The following B3GALT1 variants were observed in gnomAD, a reference collection of about 807,000 sequenced individuals.
B3GALT1 encodes the protein beta-1,3-galactosyltransferase 1.
In B3GALT1, 10 loss-of-function variants were observed where a neutral mutation model predicts 23.2. The observed-to-expected ratio is 0.43, with a 90% CI of 0.27 to 0.73. B3GALT1 has a LOEUF of 0.73. Ranked by LOEUF, B3GALT1 falls within the 30% of genes least tolerant of loss-of-function variation. B3GALT1 has a pLI of 0.21. For missense variants in B3GALT1, 299 were observed against 405.4 expected, an observed-to-expected ratio of 0.74 and a Z score of 2.25; for synonymous variants, 156 against 141.5, an observed-to-expected ratio of 1.10 and a Z score of -0.73.
chr2:167,337,390 GCACA>G (rs1230435114), intron 1 of B3GALT1, among the ~76,000 whole-genome samples: 1 of 151,344 alleles, frequency 6.6e-6, no homozygotes, highest in Non-Finnish European at 1.5e-5. Context: ...ACATGCACAC[GCACA>G]CACACCCACA....
In B3GALT1 at chr2:167,461,611, AATTAT is replaced by A. The variant is rs553234844; in HGVS notation, c.-510-28562_-510-28558del. ...GTACATATAGCTATAAAAATTTATA[AATTAT>A]ATTTATTTGATAATGAAAAATTTTC... On this transcript the variant is annotated intron_variant, in intron 1 of 4. Transcript: ENST00000392690. Among the ~76,000 whole-genome samples, 899 of 152,280 alleles carry A rather than the reference AATTAT, an allele frequency of 5.9e-3. 9 individuals are homozygous for A. The highest frequency in any genetic ancestry group is 0.021 in the African/African-American group (863 of 41,562).
chr2:167,359,819 C>G (rs1311141354), intron 1 of B3GALT1, among the ~76,000 whole-genome samples: 1 of 151,246 alleles, frequency 6.6e-6, no homozygotes, highest in Non-Finnish European at 1.5e-5. Context: ...AACTAATTTC[C>G]AGTGGTAAAG....
At chr2:167,748,278 C>T (rs1687682275) in intron 3 of B3GALT1, among the ~76,000 whole-genome samples, 1 of 152,014 alleles carries the variant, frequency 6.6e-6, no homozygotes, top group African/African-American at 2.4e-5. Context: ...GTGACAGTTA[C>T]TTTCATGCAG....
intron 1 of B3GALT1, among the ~76,000 whole-genome samples, chr2:167,402,345 AT>A (rs1231450522): frequency 3.3e-5 from 5 of 152,076 alleles, no homozygotes; most frequent in Admixed American, 6.6e-5. Flanking sequence ...AGAACACCAT[AT>A]TTTTTTAAGT....
rs1689366087 is a variant in B3GALT1, at chr2:167,832,169, A to C, written c.-230+13376A>C. On this transcript the variant is annotated intron_variant, in intron 4 of 4. Transcript: ENST00000392690. ...CCTGAAGTGCCATAGAGAGCTGCTG[A>C]TGTTCAACCATTTTTAAGCTACATA... is the stretch of plus-strand genomic sequence containing the variant. 2.6e-5 allele frequency among the ~76,000 whole-genome samples: 4 copies of C among 152,312 alleles called. No homozygotes were observed. In the South Asian group the frequency reaches 6.2e-4, roughly 24 times the overall value.
chr2:167,681,645 A>G (rs1308493368), intron 3 of B3GALT1, among the ~76,000 whole-genome samples: 1 of 152,240 alleles, frequency 6.6e-6, no homozygotes, highest in East Asian at 1.9e-4. Context: ...AAGTTTCTCT[A>G]GAAGTTGTTT....
chr2:167,447,046 G>A (rs1219986070), intron 1 of B3GALT1, among the ~76,000 whole-genome samples: 1 of 152,102 alleles, frequency 6.6e-6, no homozygotes, highest in African/African-American at 2.4e-5. Context: ...TTGTGTTGTG[G>A]ATGTCCTTTC....
At chr2:167,868,555 C>A (rs1690279452) in intron 4 of B3GALT1, among the ~76,000 whole-genome samples, 1 of 151,066 alleles carries the variant, frequency 6.6e-6, no homozygotes, top group African/African-American at 2.4e-5. Context: ...GACTAATGTT[C>A]CGCTTACTTC....
intron 2 of B3GALT1, among the ~76,000 whole-genome samples, chr2:167,584,272 A>G (rs1173184530): frequency 6.6e-6 from 1 of 152,208 alleles, no homozygotes; most frequent in African/African-American, 2.4e-5. Flanking sequence ...TAAGGGGCCA[A>G]GATTTCCAGG....
intron 3 of B3GALT1, chr2:167,714,440 T>G (rs1416560603): frequency 6.3e-7 from 1 of 1,585,116 alleles, no homozygotes; most frequent in African/African-American, 1.3e-5. Context: ...GAGTGGATCC[T>G]CCAACAAAGT....
intron 3 of B3GALT1, among the ~76,000 whole-genome samples, chr2:167,679,963 G>A (rs1686498610): frequency 6.6e-6 from 1 of 152,148 alleles, no homozygotes; most frequent in African/African-American, 2.4e-5. Flanking sequence ...GATAGAATGA[G>A]TTATCTGATA....
intron 1 of B3GALT1, among the ~76,000 whole-genome samples, chr2:167,460,674 A>G (rs1489007262): frequency 6.7e-6 from 1 of 149,050 alleles, no homozygotes; most frequent in Non-Finnish European, 1.5e-5. Flanking sequence ...ATGCCTTGTG[A>G]TTTTTTTGTT....
chr2:167,534,001 G>T (rs1475834665), intron 2 of B3GALT1, among the ~76,000 whole-genome samples: 1 of 151,918 alleles, frequency 6.6e-6, no homozygotes, highest in African/African-American at 2.4e-5. Context: ...TGAAAAGTTT[G>T]TTTTATGATA....
chr2:167,518,814 G>A (rs1700140984), intron 2 of B3GALT1, among the ~76,000 whole-genome samples: 1 of 152,120 alleles, frequency 6.6e-6, no homozygotes, highest in African/African-American at 2.4e-5. Flanking sequence ...CTTACCCCAG[G>A]AATGTATCTT....
chr2:167,541,106 GT>G (rs1292504053), intron 2 of B3GALT1, among the ~76,000 whole-genome samples: 1 of 152,076 alleles, frequency 6.6e-6, no homozygotes, highest in Non-Finnish European at 1.5e-5. Context: ...TTACTGAAGA[GT>G]AAGTTCTGAG....
chr2:167,660,679 T>C (rs1558940045), intron 3 of B3GALT1, among the ~76,000 whole-genome samples: 1 of 152,098 alleles, frequency 6.6e-6, no homozygotes, highest in Non-Finnish European at 1.5e-5. Flanking sequence ...CACTAGAAGG[T>C]GTTAGCCACA....
chr2:167,758,742 T>C (rs891233294), intron 3 of B3GALT1, among the ~76,000 whole-genome samples: 1 of 152,148 alleles, frequency 6.6e-6, no homozygotes, highest in Non-Finnish European at 1.5e-5. Flanking sequence ...AGGGAGCAGA[T>C]TGATTTGTTA....
At chr2:167,793,449 G>A (rs57820160) in intron 3 of B3GALT1, among the ~76,000 whole-genome samples, 3,877 of 152,208 alleles carry the variant, frequency 0.025, 121 homozygotes, top group South Asian at 0.068. Context: ...GTACAGATAG[G>A]AACAAAATGC....
intron 2 of B3GALT1, among the ~76,000 whole-genome samples, chr2:167,543,877 T>C (rs116125515): frequency 0.012 from 1,834 of 152,270 alleles, 17 homozygotes; most frequent in Middle Eastern, 0.02. Flanking sequence ...AATACAGAAT[T>C]ATTTTCCTTA....
Sources: allele counts gnomAD v4.1 joint callset (sites outside exome capture counted in the v4.1 genomes callset), GRCh38; gene constraint gnomAD v4.1.1; transcripts MANE v1.5; gene names NCBI Gene and HGNC (gene_info 2026-07-23, HGNC 2026-07-21).